The following MYO3B variants were observed in gnomAD, a reference collection of about 807,000 sequenced individuals.
MYO3B encodes the protein myosin-IIIb.
A neutral mutation model predicts 174.6 loss-of-function variants in MYO3B; 156 were observed. That is an observed-to-expected ratio of 0.89 (90% CI 0.78 to 1.02). The LOEUF is 1.02. Among genes scored for constraint, MYO3B ranks in the 50% least tolerant of loss-of-function variants. The pLI is 0.00. For missense variants in MYO3B, 1,632 were observed against 1,639.4 expected (o/e 1.00, Z 0.08); for synonymous variants, 563 against 569.1 (o/e 0.99, Z 0.15).
intron 23 of MYO3B, among the ~76,000 whole-genome samples, chr2:170,447,619 C>A (rs1293581075): frequency 4.6e-5 from 7 of 152,148 alleles, no homozygotes. Context: ...TTATATAAAC[C>A]ACATCGGGTG....
chr2:170,407,297 T>C, intron 21 of MYO3B, among the ~76,000 whole-genome samples: 1 of 151,582 alleles, frequency 6.6e-6, no homozygotes, highest in East Asian at 1.9e-4. Flanking sequence ...CCATCTCTGC[T>C]AAAAATACAA....
intron 7 of MYO3B, among the ~76,000 whole-genome samples, chr2:170,312,815 T>C (rs781290968): frequency 6.6e-6 from 1 of 152,212 alleles, no homozygotes; most frequent in East Asian, 1.9e-4. Context: ...TTTGGGGGCA[T>C]GTTTCCCTAC....
intron 22 of MYO3B, among the ~76,000 whole-genome samples, chr2:170,436,342 T>A (rs1183917019): frequency 6.6e-6 from 1 of 152,236 alleles, no homozygotes; most frequent in Admixed American, 6.5e-5. Flanking sequence ...ACTTTGGTTA[T>A]GTTTCTGAAA....
intron 29 of MYO3B, among the ~76,000 whole-genome samples, chr2:170,518,282 A>C (rs114981607): frequency 1.5e-3 from 223 of 152,328 alleles, no homozygotes; most frequent in Middle Eastern, 6.8e-3. Context: ...TTCTGTAATC[A>C]TAATGTCAAC....
chr2:170,264,772 G>A (rs1012857105), intron 7 of MYO3B, among the ~76,000 whole-genome samples: 1 of 152,180 alleles, frequency 6.6e-6, no homozygotes, highest in Admixed American at 6.5e-5. Flanking sequence ...TTGGAAAGAG[G>A]ATATTTGTTG....
rs544723615 is a variant in MYO3B, at chr2:170,221,696, T to G, written c.603+4301T>G. On this transcript the variant is annotated intron_variant, in intron 6 of 34. Coordinates refer to ENST00000408978, the MANE Select transcript of MYO3B (RefSeq NM_138995.5). ...CAATACTACTGGGGAAATAAATTGC[T>G]TGGCATAATAAAAGGGTTAATCTAA... Among the ~76,000 whole-genome samples, 56 of 152,212 alleles carry G rather than the reference T, an allele frequency of 3.7e-4. 1 individual carries two copies. The highest frequency in any genetic ancestry group is 1.3e-3 in the African/African-American group (55 of 41,554).
chr2:170,492,434 A>G (rs1686553660), intron 25 of MYO3B, among the ~76,000 whole-genome samples: 1 of 152,206 alleles, frequency 6.6e-6, no homozygotes, highest in South Asian at 2.1e-4. Context: ...GTGGTAGTAG[A>G]GTCTGAAGCC....
chr2:170,258,485 G>A (rs943427966), intron 7 of MYO3B, among the ~76,000 whole-genome samples: 18 of 152,180 alleles, frequency 1.2e-4, no homozygotes, highest in African/African-American at 4.3e-4. Flanking sequence ...AATAGATATA[G>A]AAAAAGCTTC....
chr2:170,581,012 A>G (rs2106301596), intron 32 of MYO3B, among the ~76,000 whole-genome samples: 1 of 152,280 alleles, frequency 6.6e-6, no homozygotes, highest in Non-Finnish European at 1.5e-5. Flanking sequence ...GTAGAAGCAC[A>G]AGAAAATTTC....
chr2:170,400,395 G>T, intron 17 of MYO3B, 81 bp downstream of exon 17: 4 of 1,415,160 alleles, frequency 2.8e-6, no homozygotes, highest in South Asian at 1.4e-5. Context: ...TGCAGCATTT[G>T]CTGGTCCTTT....
At chr2:170,369,515 T>A in intron 9 of MYO3B, 138 bp downstream of exon 9, 1 of 947,328 alleles carries the variant, frequency 1.1e-6, no homozygotes, top group Non-Finnish European at 1.5e-6. Flanking sequence ...TGACATTAAG[T>A]ACTCCATGCC....
In MYO3B at chr2:170,387,303, G is replaced by C. The variant is rs955927777; in HGVS notation, c.1572G>C (p.Gln524His). 1.2e-6 allele frequency: 2 copies of C among 1,614,032 alleles called. No homozygotes were observed. The highest frequency in any genetic ancestry group is 1.7e-6 in the Non-Finnish European group (2 of 1,179,946). The change falls in exon 14 of 35, where the codon CAG becomes CAC. Residue 524 changes from glutamine (Q) to histidine (H), a missense_variant. By Grantham distance (24) the Gln-to-His change is conservative (BLOSUM62 0). Transcript: ENST00000408978. Reference protein sequence around the residue: ...YLLEKSRVIKQAAREKNFHIF... With the variant: ...YLLEKSRVIKHAAREKNFHIF... ...TGGAAAAATCCAGAGTTATAAAACA[G>C]GCAGCGTAGGTGCACTACTTTATCA...
chr2:170,390,396 C>T (rs1219354019), intron 14 of MYO3B, among the ~76,000 whole-genome samples: 1 of 152,184 alleles, frequency 6.6e-6, no homozygotes, highest in African/African-American at 2.4e-5. Context: ...CCACTGCACT[C>T]CAGCCTGGAC....
At chr2:170,563,714 C>T (rs1691887980) in intron 32 of MYO3B, among the ~76,000 whole-genome samples, 1 of 152,166 alleles carries the variant, frequency 6.6e-6, no homozygotes, top group South Asian at 2.1e-4. Flanking sequence ...TTCAGAAGAT[C>T]AAGAATGACA....
intron 32 of MYO3B, among the ~76,000 whole-genome samples, chr2:170,589,449 G>A (rs889574196): frequency 6.6e-6 from 1 of 152,136 alleles, no homozygotes; most frequent in African/African-American, 2.4e-5. Flanking sequence ...AGACCTTCCA[G>A]TGGGACAAGA....
intron 22 of MYO3B, among the ~76,000 whole-genome samples, chr2:170,438,927 C>T (rs372055801): frequency 8.6e-5 from 13 of 152,034 alleles, no homozygotes; most frequent in Admixed American, 6.5e-4. Flanking sequence ...CCACCGTGCC[C>T]GGCCAAGGAT....
chr2:170,272,852 G>A (rs908782), intron 7 of MYO3B, among the ~76,000 whole-genome samples: 148,733 of 152,306 alleles, frequency 0.98, 72,641 homozygotes, highest in Admixed American at 0.98. Flanking sequence ...AGTTTTGTAC[G>A]TCTCAATCTT....
At chr2:170,253,902 G>A (rs1283595860) in intron 7 of MYO3B, among the ~76,000 whole-genome samples, 1 of 151,308 alleles carries the variant, frequency 6.6e-6, no homozygotes, top group Non-Finnish European at 1.5e-5. Context: ...GGGCGGGGGC[G>A]GGCAGTGATA....
chr2:170,471,718 G>A (rs1285618208), intron 25 of MYO3B, among the ~76,000 whole-genome samples: 1 of 152,020 alleles, frequency 6.6e-6, no homozygotes, highest in Non-Finnish European at 1.5e-5. Context: ...AGGCCGGGGC[G>A]CAGTGGCTCA....
Sources: allele counts gnomAD v4.1 joint callset (sites outside exome capture counted in the v4.1 genomes callset), GRCh38; gene constraint gnomAD v4.1.1; transcripts MANE v1.5; gene names NCBI Gene and HGNC (gene_info 2026-07-23, HGNC 2026-07-21).